FNDC3A: variants seen among roughly 807,000 people sequenced by gnomAD.
FNDC3A encodes the protein fibronectin type-III domain-containing protein 3A.
A neutral mutation model predicts 148.9 loss-of-function variants in FNDC3A; 32 were observed. The observed-to-expected ratio is 0.21, with a 90% CI of 0.16 to 0.29. FNDC3A has a LOEUF of 0.29. FNDC3A is among the 10% of genes least tolerant of loss of function. The pLI is 1.00. For missense variants in FNDC3A, 1,191 were observed against 1,452.8 expected, an observed-to-expected ratio of 0.82 and a Z score of 2.93; for synonymous variants, 472 against 473.6, an observed-to-expected ratio of 1.00 and a Z score of 0.04.
chr13:49,191,950 A>G (rs1247704780), intron 19 of FNDC3A, among the ~76,000 whole-genome samples: 13 of 152,208 alleles, frequency 8.5e-5, no homozygotes, highest in Non-Finnish European at 1.9e-4. Context: ...ACAACTAAGG[A>G]AACGGGTTCA....
chr13:49,116,519 G>A (rs1158560800), intron 4 of FNDC3A, among the ~76,000 whole-genome samples: 1 of 152,192 alleles, frequency 6.6e-6, no homozygotes, highest in Non-Finnish European at 1.5e-5. Context: ...TGTTTGCTGG[G>A]CATGGTGGCT....
At chr13:49,070,574 CA>C (rs1877586163) in intron 2 of FNDC3A, among the ~76,000 whole-genome samples, 1 of 152,108 alleles carries the variant, frequency 6.6e-6, no homozygotes, top group South Asian at 2.1e-4. Context: ...GTTTTGAAAA[CA>C]CAACAATCTT....
intron 6 of FNDC3A, among the ~76,000 whole-genome samples, chr13:49,138,464 A>T (rs1882506993): frequency 6.6e-6 from 1 of 152,154 alleles, no homozygotes; most frequent in African/African-American, 2.4e-5. Flanking sequence ...AATATACTTG[A>T]TATAAGAAAA....
intron 1 of FNDC3A, among the ~76,000 whole-genome samples, chr13:48,997,862 A>G (rs2137580536): frequency 6.6e-6 from 1 of 151,960 alleles, no homozygotes; most frequent in East Asian, 1.9e-4. Flanking sequence ...GGAACTGTGT[A>G]ATGAGTAGAG....
At chr13:49,003,693 G>T (rs1345428924) in intron 1 of FNDC3A, among the ~76,000 whole-genome samples, 1 of 151,830 alleles carries the variant, frequency 6.6e-6, no homozygotes, top group Non-Finnish European at 1.5e-5. Context: ...TGTATATTCA[G>T]ATCTGCAACC....
chr13:49,138,715 T>G, intron 6 of FNDC3A, 32 bp from the exon 7 acceptor site: 1 of 1,123,822 alleles, frequency 8.9e-7, no homozygotes, highest in African/African-American at 1.6e-5. Context: ...AAGTTCTTTT[T>G]TTTAAATATT....
At chr13:49,104,248 C>T (rs1376479285) in intron 3 of FNDC3A, among the ~76,000 whole-genome samples, 1 of 152,066 alleles carries the variant, frequency 6.6e-6, no homozygotes, top group African/African-American at 2.4e-5. Flanking sequence ...ATTTTGGGGC[C>T]GGGCGCAGTG....
At chr13:48,979,205 A>G (rs1951656622) in intron 1 of FNDC3A, among the ~76,000 whole-genome samples, 1 of 152,194 alleles carries the variant, frequency 6.6e-6, no homozygotes, top group African/African-American at 2.4e-5. Context: ...ATGCAATGTT[A>G]TTAAAGTGGG....
At chr13:49,059,020 C>G (rs1461603696) in intron 2 of FNDC3A, among the ~76,000 whole-genome samples, 2 of 152,136 alleles carry the variant, frequency 1.3e-5, no homozygotes, top group South Asian at 4.1e-4. Context: ...ACAAAGTGAG[C>G]TCAGAACAAT....
At chr13:49,007,019 A>G (rs938581847) in intron 2 of FNDC3A, among the ~76,000 whole-genome samples, 2 of 152,062 alleles carry the variant, frequency 1.3e-5, no homozygotes, top group African/African-American at 2.4e-5. Context: ...AATTCTTTCA[A>G]CAATTCTATG....
intron 2 of FNDC3A, among the ~76,000 whole-genome samples, chr13:49,021,221 G>A (rs1210318290): frequency 6.6e-6 from 1 of 152,176 alleles, no homozygotes; most frequent in Non-Finnish European, 1.5e-5. Flanking sequence ...GCCCCTATAT[G>A]AACATCTTAT....
At chr13:49,036,303 C>T (rs1349417538) in intron 2 of FNDC3A, among the ~76,000 whole-genome samples, 1 of 152,134 alleles carries the variant, frequency 6.6e-6, no homozygotes. Flanking sequence ...ACTATTTAAA[C>T]TACTAGAGTT....
At chr13:49,194,784 G>A (rs1049719115) in intron 19 of FNDC3A, among the ~76,000 whole-genome samples, 3 of 151,734 alleles carry the variant, frequency 2.0e-5, no homozygotes, top group Non-Finnish European at 4.4e-5. Context: ...TAGTATAAAA[G>A]GTTTCTTTTT....
intron 2 of FNDC3A, among the ~76,000 whole-genome samples, chr13:49,016,138 C>G (rs1466413165): frequency 4.6e-5 from 7 of 152,176 alleles, no homozygotes; most frequent in Non-Finnish European, 1.0e-4. Context: ...AGGGAGGATT[C>G]CCTCTTTTTC....
intron 8 of FNDC3A, among the ~76,000 whole-genome samples, chr13:49,156,787 T>C (rs1266753507): frequency 8.9e-6 from 1 of 112,264 alleles, no homozygotes; most frequent in Non-Finnish European, 1.8e-5. Flanking sequence ...TGAAGCTTAG[T>C]TTGGCTGGAT....
intron 4 of FNDC3A, among the ~76,000 whole-genome samples, chr13:49,128,591 C>G (rs1342294689): frequency 1.3e-5 from 2 of 152,194 alleles, no homozygotes; most frequent in African/African-American, 4.8e-5. Flanking sequence ...TTTTATCACT[C>G]TTCTGCCCAA....
In FNDC3A at chr13:49,131,369, A is replaced by T. The variant is rs1882024798; in HGVS notation, c.485A>T (p.Asp162Val). ...TATCAGTCTTCACAAGTCTATGGAG[A>T]TGTAGGTAAGACATCTAAAAGTATT... is the stretch of plus-strand genomic sequence containing the variant. ...PQYQSSQVYG[D>V]VDAHSTHGRS... The change falls in exon 5 of 26, where the codon GAT becomes GTT. Residue 162 changes from aspartate to valine, a missense_variant. Coordinates refer to ENST00000492622, the MANE Select transcript of FNDC3A (RefSeq NM_001079673.2). The T allele has an allele frequency of 6.2e-7, 1 of 1,603,162 alleles. No individual in the cohort carries two copies. Among genetic ancestry groups the T allele is most frequent in the Admixed American group, 1.7e-5 (1 of 59,988 alleles).
At chr13:49,070,881 C>CTT (rs758290861) in intron 2 of FNDC3A, among the ~76,000 whole-genome samples, 2,715 of 120,748 alleles carry the variant, frequency 0.022, 88 homozygotes, top group African/African-American at 0.042. Context: ...AACAGGATTT[C>CTT]TTTTTTTTTT....
intron 1 of FNDC3A, among the ~76,000 whole-genome samples, chr13:48,996,718 A>G (rs560559333): frequency 6.6e-6 from 1 of 152,258 alleles, no homozygotes; most frequent in East Asian, 1.9e-4. Context: ...GGCTCTGGAG[A>G]CATACAGTTT....
Sources: allele counts gnomAD v4.1 joint callset (sites outside exome capture counted in the v4.1 genomes callset), GRCh38; gene constraint gnomAD v4.1.1; transcripts MANE v1.5; gene names NCBI Gene and HGNC (gene_info 2026-07-23, HGNC 2026-07-21).